NECAP1: variants seen among roughly 807,000 people sequenced by gnomAD.
The protein encoded by NECAP1 is adaptin ear-binding coat-associated protein 1.
Under a neutral mutation model 33.4 loss-of-function variants are expected in NECAP1, and 13 were observed. That is an observed-to-expected ratio of 0.39 (90% confidence interval 0.25 to 0.62). NECAP1 has a LOEUF of 0.62. Among genes scored for constraint, NECAP1 ranks in the 20% least tolerant of loss-of-function variants. The pLI is 0.52. For missense variants in NECAP1, 272 were observed against 347.4 expected (o/e 0.78, Z 1.73); for synonymous variants, 109 against 125.2 (o/e 0.87, Z 0.86).
rs1947560869 is a variant in NECAP1, at chr12:8,092,680, G to T, written c.388G>T (p.Val130Leu). The change falls in exon 5 of 8, where the codon GTA becomes TTA. Residue 130 changes from valine (V) to leucine (L), a missense_variant. Physicochemically the swap from Val to Leu is conservative, Grantham distance 32. Coordinates refer to ENST00000339754, the MANE Select transcript of NECAP1 (RefSeq NM_015509.4). ...TAACTTGCTGTGTTCCCAAAGGTGG[G>T]TAAAGCAGGAATCTGAGATTTCCAA... is the stretch of plus-strand genomic sequence containing the variant. ...NVSLQDHFKW[V>L]KQESEISKES... The T allele has an allele frequency of 6.2e-7, 1 of 1,611,526 alleles. No homozygotes were observed. Among genetic ancestry groups the T allele is most frequent in the Non-Finnish European group, 8.5e-7 (1 of 1,178,208 alleles).
At chr12:8,092,537 C>A in intron 4 of NECAP1, 139 bp from the exon 5 acceptor site, 1 of 611,342 alleles carries the variant, frequency 1.6e-6, no homozygotes, top group Non-Finnish European at 2.8e-6. Flanking sequence ...GGCTTTTTTC[C>A]CTTCTGTTTC....
At chr12:8,095,814 CT>C (rs1947588852) in intron 7 of NECAP1, 111 bp downstream of exon 7, 1 of 1,219,596 alleles carries the variant, frequency 8.2e-7, no homozygotes, top group South Asian at 1.3e-5. Flanking sequence ...CACATAGAGT[CT>C]TTTGGAAGAG....
intron 4 of NECAP1, 63 bp downstream of exon 4, chr12:8,091,913 A>C: frequency 7.5e-7 from 1 of 1,326,524 alleles, no homozygotes. Context: ...TTCTCACATG[A>C]ATGGGCAGTA....
intron 1 of NECAP1, among the ~76,000 whole-genome samples, chr12:8,083,421 CTTTTTTTT>C (rs71042328): frequency 1.5e-5 from 1 of 65,840 alleles, no homozygotes; most frequent in Non-Finnish European, 2.6e-5. Flanking sequence ...TTTGTTTGTT[CTTTTTTTT>C]TTTTTTTTTT....
In NECAP1 at chr12:8,095,518, G is replaced by C. The variant is rs1325427471; in HGVS notation, c.677-83G>C. On this transcript the variant is annotated intron_variant, in intron 6 of 7. Coordinates refer to ENST00000339754, the MANE Select transcript of NECAP1 (RefSeq NM_015509.4). ...CCGCCTCGGCCTCCCAAAGTGCTGG[G>C]ATTACAGGCGTGAGCCACCGCGCCC... is the stretch of plus-strand genomic sequence containing the variant. 7 of 1,048,894 alleles carry C rather than the reference G, an allele frequency of 6.7e-6. 1 individual carries two copies. Among genetic ancestry groups the C allele is most frequent in the Non-Finnish European group, 9.9e-6 (7 of 707,524 alleles). The allele number at this position is 1,048,894 out of a possible 1,614,324, so 65.0% of individuals were successfully genotyped here.
rs752197558 is a variant in NECAP1, at chr12:8,095,651, A to G, written c.727A>G (p.Thr243Ala). The change falls in exon 7 of 8, where the codon ACT becomes GCT. Residue 243 changes from threonine (T) to alanine (A), a missense_variant. Thr to Ala is a moderately conservative substitution (Grantham distance 58). Coordinates refer to ENST00000339754, the MANE Select transcript of NECAP1 (RefSeq NM_015509.4). Reference protein sequence around the residue: ...SPAPVTTPAPTPVSVSNDLWG... With the variant: ...SPAPVTTPAPAPVSVSNDLWG... ...TGCTCCTGTCACGACACCAGCACCA[A>G]CTCCAGTTTCTGTAAGCAATGACTT... 4 of 1,613,908 alleles carry G rather than the reference A, an allele frequency of 2.5e-6. No individual in the cohort carries two copies. Among genetic ancestry groups the G allele is most frequent in the African/African-American group, 1.3e-5 (1 of 74,904 alleles).
In NECAP1 at chr12:8,097,117, T is replaced by C. The variant is rs921369982; in HGVS notation, c.*1027T>C. 8 of 152,642 alleles carry C rather than the reference T, an allele frequency of 5.2e-5. No homozygotes were observed. The highest frequency in any genetic ancestry group is 1.7e-4 in the African/African-American group (7 of 41,452). 9.5% of individuals were successfully genotyped at this position (152,642 alleles called of 1,614,324 possible). A position where few individuals can be genotyped will look rare whatever the true frequency, so the allele number is the denominator to read the frequency against. On this transcript the variant is annotated 3_prime_UTR_variant, in exon 8 of 8. Coordinates refer to ENST00000339754, the MANE Select transcript of NECAP1 (RefSeq NM_015509.4). ...GTTCTTTAATAGAAAGCTGCTATTA[T>C]GTATATTGTCATTTGTGAAGGAAGT... is the stretch of plus-strand genomic sequence containing the variant.
In NECAP1 at chr12:8,082,365, C is replaced by G; in HGVS notation, c.77C>G (p.Ala26Gly). The G allele has an allele frequency of 6.2e-7, 1 of 1,613,692 alleles. No individual in the cohort carries two copies. The highest frequency in any genetic ancestry group is 8.5e-7 in the Non-Finnish European group (1 of 1,179,644). Residue 26 changes from alanine to glycine, a missense_variant, in exon 1 of 8, where the codon GCC (alanine) becomes GGC (glycine). Transcript: ENST00000339754. ...AGCGTCTACCGGATTCCGCCCCGGGCCTCCAACCGCGGTTACAGGTACTAA... is the reference window on the plus strand; with the variant it reads ...AGCGTCTACCGGATTCCGCCCCGGGGCTCCAACCGCGGTTACAGGTACTAA... The part of the protein sequence containing the change: ...DVSVYRIPPR[A>G]SNRGYRASDW...
chr12:8,085,702 T>C (rs1376415012), intron 1 of NECAP1, among the ~76,000 whole-genome samples: 6 of 141,254 alleles, frequency 4.2e-5, no homozygotes, highest in South Asian at 2.3e-4. Context: ...TTTTTTTTTT[T>C]TTTTTTTTTT....
chr12:8,089,864 C>A, intron 1 of NECAP1, 72 bp from the exon 2 acceptor site: 2 of 1,080,116 alleles, frequency 1.9e-6, no homozygotes, highest in Non-Finnish European at 2.9e-6. Context: ...AATAGAAATA[C>A]AGTCAAAGAT....
In NECAP1 at chr12:8,082,393, C is replaced by A. The variant is rs1163007504; in HGVS notation, c.95+10C>A. On this transcript the variant is annotated intron_variant, in intron 1 of 7. Transcript: ENST00000339754. The stretch of plus-strand genomic sequence containing the variant: ...CCAACCGCGGTTACAGGTACTAACC[C>A]CGAGGCGCTGCCGCACACGCGTACT... 1 of 1,612,100 alleles carries A rather than the reference C, an allele frequency of 6.2e-7. No individual in the cohort carries two copies. The highest frequency in any genetic ancestry group is 1.7e-5 in the Admixed American group (1 of 59,946).
chr12:8,082,796 A>T (rs1221975202), intron 1 of NECAP1: 10 of 161,720 alleles, frequency 6.2e-5, no homozygotes, highest in South Asian at 1.5e-4. Flanking sequence ...ACACACACAC[A>T]CACACACACA....
intron 1 of NECAP1, 147 bp downstream of exon 1, chr12:8,082,530 C>CACCT: frequency 1.5e-6 from 1 of 665,728 alleles, no homozygotes; most frequent in Non-Finnish European, 2.6e-6. Context: ...TCTCCCTGAC[C>CACCT]ACCTGCTCCA....
At chr12:8,090,445 G>A (rs753666777) in intron 3 of NECAP1, 146 bp downstream of exon 3, 4 of 667,580 alleles carry the variant, frequency 6.0e-6, no homozygotes, top group East Asian at 5.4e-5. Flanking sequence ...GTTGCTAAAG[G>A]AAAAGTATTA....
At position 8,082,774 on chromosome 12, in the gene NECAP1, T is replaced by TCTCTCA. The variant is rs1400408491; in HGVS notation, c.95+392_95+393insTCTCAC. ...CTCATCCTTTCTCTCTCTCTCTCTCTCACACACACACACACACACACACAC... is the reference window on the plus strand; with the variant it reads ...CTCATCCTTTCTCTCTCTCTCTCTCTCTCTCACACACACACACACACACACACACAC... On this transcript the variant is annotated intron_variant, in intron 1 of 7. Transcript: ENST00000339754. 1,156 of 141,622 alleles carry TCTCTCA rather than the reference T, an allele frequency of 8.2e-3. 6 individuals carry two copies. The highest frequency in any genetic ancestry group is 0.014 in the Middle Eastern group (4 of 294). 8.8% of individuals were successfully genotyped at this position (141,622 alleles called of 1,614,324 possible). A position where few individuals can be genotyped will look rare whatever the true frequency, so the allele number is the denominator to read the frequency against.
intron 6 of NECAP1, chr12:8,094,628 A>C (rs1337197414): frequency 6.6e-6 from 1 of 152,116 alleles, no homozygotes; most frequent in African/African-American, 2.4e-5. Flanking sequence ...TGCCACACCA[A>C]GCTAATTTTT....
intron 1 of NECAP1, among the ~76,000 whole-genome samples, chr12:8,084,436 T>C (rs1947469470): frequency 6.6e-6 from 1 of 152,138 alleles, no homozygotes; most frequent in African/African-American, 2.4e-5. Context: ...AGCACCTTTT[T>C]CTTTTTCTTT....
chr12:8,087,849 G>A (rs1025276854), intron 1 of NECAP1, among the ~76,000 whole-genome samples: 1 of 152,156 alleles, frequency 6.6e-6, no homozygotes, highest in East Asian at 1.9e-4. Flanking sequence ...AGAGGGAAGA[G>A]AATGGGAAGG....
chr12:8,086,773 T>TA (rs113030233), intron 1 of NECAP1, among the ~76,000 whole-genome samples: 4,835 of 152,058 alleles, frequency 0.032, 266 homozygotes, highest in African/African-American at 0.11. Context: ...CCGTCTTTAC[T>TA]AAAAATACAA....
Sources: allele counts gnomAD v4.1 joint callset (sites outside exome capture counted in the v4.1 genomes callset), GRCh38; gene constraint gnomAD v4.1.1; transcripts MANE v1.5; gene names NCBI Gene and HGNC (gene_info 2026-07-23, HGNC 2026-07-21).